MED27: variants seen among roughly 807,000 people sequenced by gnomAD.
MED27 encodes the protein mediator complex subunit 27.
MED27 carries 30 observed loss-of-function variants against 38.2 expected under a neutral mutation model. The ratio of observed to expected loss-of-function variants is 0.79; its 90% CI spans 0.59 to 1.07. The LOEUF (loss-of-function observed/expected upper bound fraction) is 1.07. MED27 is among the 50% of genes least tolerant of loss of function. The pLI, the probability that MED27 is intolerant of heterozygous loss-of-function variation, is 0.00. For missense variants in MED27, 289 were observed against 397.5 expected, an observed-to-expected ratio of 0.73 and a Z score of 2.32; for synonymous variants, 122 against 153.5, an observed-to-expected ratio of 0.79 and a Z score of 1.52.
chr9:131,920,792 G>A (rs940812615), intron 4 of MED27, among the ~76,000 whole-genome samples: 1 of 152,090 alleles, frequency 6.6e-6, no homozygotes, highest in Admixed American at 6.5e-5. Context: ...TGGGGGAGAG[G>A]GGGTGGAGTC....
intron 3 of MED27, among the ~76,000 whole-genome samples, chr9:131,975,950 G>T (rs1831596096): frequency 6.6e-6 from 1 of 152,164 alleles, no homozygotes; most frequent in African/African-American, 2.4e-5. Flanking sequence ...GTCCTTCTCT[G>T]TCAGCTTTGT....
chr9:132,060,633 T>C (rs1833677818), intron 2 of MED27, among the ~76,000 whole-genome samples: 1 of 152,162 alleles, frequency 6.6e-6, no homozygotes, highest in Non-Finnish European at 1.5e-5. Context: ...ACTGGAAAAT[T>C]CAGTTTTCAA....
intron 3 of MED27, among the ~76,000 whole-genome samples, chr9:131,944,514 A>G (rs1830845841): frequency 1.3e-5 from 2 of 149,078 alleles, no homozygotes; most frequent in Admixed American, 1.3e-4. Context: ...GATTTCTTTC[A>G]TCAGTGGTTT....
At chr9:131,866,437 G>T (rs549590158) in intron 6 of MED27, among the ~76,000 whole-genome samples, 76 of 152,368 alleles carry the variant, frequency 5.0e-4, no homozygotes, top group Middle Eastern at 6.8e-3. Flanking sequence ...CCAGAAACCT[G>T]GGCCCTGCCC....
chr9:131,921,106 C>G (rs1396703075), intron 4 of MED27, among the ~76,000 whole-genome samples: 2 of 152,148 alleles, frequency 1.3e-5, no homozygotes, highest in Non-Finnish European at 2.9e-5. Context: ...TCTAAATATG[C>G]ATGCTTACAA....
At chr9:131,958,437 A>G (rs1246553273) in intron 3 of MED27, among the ~76,000 whole-genome samples, 2 of 151,994 alleles carry the variant, frequency 1.3e-5, no homozygotes, top group African/African-American at 2.4e-5. Flanking sequence ...TAGTAGAGAC[A>G]AGGTTTCACT....
chr9:131,947,552 G>A (rs1285648175), intron 3 of MED27, among the ~76,000 whole-genome samples: 1 of 152,028 alleles, frequency 6.6e-6, no homozygotes, highest in Non-Finnish European at 1.5e-5. Context: ...TAAAGATATC[G>A]CCTTTGCAAA....
intron 4 of MED27, among the ~76,000 whole-genome samples, chr9:131,903,167 C>T (rs1167704135): frequency 6.6e-6 from 1 of 152,202 alleles, no homozygotes; most frequent in African/African-American, 2.4e-5. Context: ...ATTGGACTTA[C>T]AGATCCACAT....
chr9:132,075,004 T>C (rs1834014682), intron 2 of MED27, among the ~76,000 whole-genome samples: 1 of 152,208 alleles, frequency 6.6e-6, no homozygotes, highest in South Asian at 2.1e-4. Flanking sequence ...ATGTCTGCCC[T>C]AGAAAAAGCA....
At chr9:131,902,180 C>T (rs890107440) in intron 4 of MED27, among the ~76,000 whole-genome samples, 12 of 152,126 alleles carry the variant, frequency 7.9e-5, no homozygotes, top group African/African-American at 4.8e-5. Context: ...ATCTCTAAGA[C>T]GCTAATAAAC....
At chr9:131,934,355 C>T (rs1432539524) in intron 4 of MED27, among the ~76,000 whole-genome samples, 1 of 151,914 alleles carries the variant, frequency 6.6e-6, no homozygotes, top group East Asian at 1.9e-4. Flanking sequence ...TAGAATGGAT[C>T]TGCAATATTA....
intron 5 of MED27, 47 bp from the exon 6 acceptor site, chr9:131,884,146 G>C (rs373961763): frequency 6.7e-7 from 1 of 1,485,516 alleles, no homozygotes. Flanking sequence ...CTTAGAATTC[G>C]GGACTTCAAG....
At chr9:131,967,139 C>T (rs148647359) in intron 3 of MED27, among the ~76,000 whole-genome samples, 8 of 152,334 alleles carry the variant, frequency 5.3e-5, no homozygotes, top group Admixed American at 1.3e-4. Flanking sequence ...TACTTTCTTA[C>T]ACTGTTCTTT....
At chr9:132,019,542 C>T (rs1832675008) in intron 2 of MED27, among the ~76,000 whole-genome samples, 1 of 152,166 alleles carries the variant, frequency 6.6e-6, no homozygotes, top group Non-Finnish European at 1.5e-5. Flanking sequence ...TCCATAGGGA[C>T]TGCCCCTAGA....
chr9:131,863,106 T>C lies in MED27; in HGVS notation c.758A>G (p.Tyr253Cys). Residue 253 changes from tyrosine (Y) to cysteine (C), a missense_variant, in exon 7 of 8, where the codon TAT (tyrosine) becomes TGT (cysteine). Transcript: ENST00000292035. Reference protein sequence around the residue: ...TDHATTALLHYQLPQMPDVVV... With the variant: ...TDHATTALLHCQLPQMPDVVV... The stretch of plus-strand genomic sequence containing the variant: ...GACATCCGGCATCTGGGGCAGCTGA[T>C]AGTGGAGCAGGGCAGTGGTGGCATG... 1 of 1,614,052 alleles carries C rather than the reference T, an allele frequency of 6.2e-7. No individual in the cohort carries two copies. The highest frequency in any genetic ancestry group is 8.5e-7 in the Non-Finnish European group (1 of 1,180,004).
In MED27 at chr9:131,892,278, G is replaced by C. The variant is rs543161016; in HGVS notation, c.681+1607C>G. Among the ~76,000 whole-genome samples the C allele has an allele frequency of 1.0e-3, 157 of 152,156 alleles. 2 individuals carry two copies. The highest frequency in any genetic ancestry group is 9.4e-4 in the Non-Finnish European group (64 of 68,024). Reference sequence around the variant, plus strand: ...ATACCTCTGAGACTCTATATTTCAAGACTGTTATTTTAAGTTAGAATAAAA... The same window carrying C: ...ATACCTCTGAGACTCTATATTTCAACACTGTTATTTTAAGTTAGAATAAAA... On this transcript the variant is annotated intron_variant, in intron 5 of 7. Transcript: ENST00000292035.
At chr9:131,987,557 C>T (rs1831882096) in intron 3 of MED27, among the ~76,000 whole-genome samples, 1 of 152,182 alleles carries the variant, frequency 6.6e-6, no homozygotes, top group African/African-American at 2.4e-5. Context: ...ATAATCACAC[C>T]TGGCAATGCA....
At chr9:131,950,272 T>C (rs1026636379) in intron 3 of MED27, among the ~76,000 whole-genome samples, 2 of 152,212 alleles carry the variant, frequency 1.3e-5, no homozygotes, top group Non-Finnish European at 2.9e-5. Flanking sequence ...GGAGCTCAGA[T>C]AGATGGTGAA....
chr9:131,881,926 G>A (rs1443344341), intron 6 of MED27, among the ~76,000 whole-genome samples: 1 of 148,806 alleles, frequency 6.7e-6, no homozygotes, highest in Non-Finnish European at 1.5e-5. Context: ...TGGCTGATTT[G>A]TGTATTTTTA....
Sources: gnomAD v4.1 joint callset for allele counts (sites outside exome capture counted in the v4.1 genomes callset) on GRCh38, gnomAD v4.1.1 for gene constraint, MANE v1.5 for transcripts, NCBI Gene and HGNC (gene_info 2026-07-23, HGNC 2026-07-21) for gene names.